POU2F1: variants seen among roughly 807,000 people sequenced by gnomAD.
POU2F1 encodes POU domain, class 2, transcription factor 1.
A neutral mutation model predicts 84.9 loss-of-function variants in POU2F1; 16 were observed. The observed-to-expected ratio is 0.19, with a 90% CI of 0.13 to 0.29. The LOEUF is 0.29. POU2F1 is among the 10% of genes least tolerant of loss of function. The pLI is 1.00. For synonymous variants in POU2F1, 368 were observed against 368.3 expected (o/e 1.00, Z 0.01); for missense variants, 738 against 942.6 (o/e 0.78, Z 2.84).
At chr1:167,305,967 A>G (rs772823185) in intron 1 of POU2F1, among the ~76,000 whole-genome samples, 1 of 152,234 alleles carries the variant, frequency 6.6e-6, no homozygotes, top group Non-Finnish European at 1.5e-5. Flanking sequence ...TTTAGTATAC[A>G]TAGAAATGTA....
intron 2 of POU2F1, among the ~76,000 whole-genome samples, chr1:167,334,050 A>G (rs1259999487): frequency 1.3e-5 from 2 of 152,084 alleles, no homozygotes; most frequent in Admixed American, 1.3e-4. Flanking sequence ...AACACTGAAA[A>G]TAGCCATTAC....
At chr1:167,225,401 C>T (rs1402439791) in intron 1 of POU2F1, among the ~76,000 whole-genome samples, 2 of 152,130 alleles carry the variant, frequency 1.3e-5, no homozygotes, top group African/African-American at 4.8e-5. Context: ...AGTGTTCTGC[C>T]ATATTTTAAA....
Position 167,418,545 on chromosome 1 carries a change from G to C in POU2F1, c.*2735G>C, listed in dbSNP as rs942888307. On this transcript the variant is annotated 3_prime_UTR_variant, in exon 16 of 16. Coordinates refer to ENST00000367866, the MANE Select transcript of POU2F1 (RefSeq NM_002697.4). ...GGAAATGCTGGTACCCAGTATACTGGATTAGAAGTTATAGCATTAATTTCT... is the reference window on the plus strand; with the variant it reads ...GGAAATGCTGGTACCCAGTATACTGCATTAGAAGTTATAGCATTAATTTCT... 1 of 152,192 alleles carries C rather than the reference G, an allele frequency of 6.6e-6. No individual in the cohort carries two copies. The highest frequency in any genetic ancestry group is 1.5e-5 in the Non-Finnish European group (1 of 68,030). 9.4% of individuals were successfully genotyped at this position (152,192 alleles called of 1,614,324 possible).
At chr1:167,379,516 T>C (rs776470175) in intron 7 of POU2F1, 1 of 152,166 alleles carries the variant, frequency 6.6e-6, no homozygotes, top group African/African-American at 2.4e-5. Flanking sequence ...AAAATATATA[T>C]GTAGTGTTAG....
At chr1:167,320,839 T>G (rs1176005624) in intron 1 of POU2F1, among the ~76,000 whole-genome samples, 4 of 152,236 alleles carry the variant, frequency 2.6e-5, no homozygotes, top group African/African-American at 9.6e-5. Context: ...TGTTAATTGC[T>G]GAGGGTTAGT....
chr1:167,293,808 T>C (rs1654092991), intron 1 of POU2F1, among the ~76,000 whole-genome samples: 1 of 152,012 alleles, frequency 6.6e-6, no homozygotes, highest in Non-Finnish European at 1.5e-5. Context: ...AAGCCAAATA[T>C]GTATAACCAA....
intron 4 of POU2F1, among the ~76,000 whole-genome samples, chr1:167,371,657 G>A (rs1023989845): frequency 6.6e-5 from 10 of 151,934 alleles, no homozygotes; most frequent in Admixed American, 3.3e-4. Context: ...GGAATTGGGG[G>A]CTATGAAAAA....
rs1227541613 is a variant in POU2F1 at position 167,421,107 on chromosome 1, G to A, written c.*5297G>A. On this transcript the variant is annotated 3_prime_UTR_variant, in exon 16 of 16. Transcript: ENST00000367866. ...CTGTTCATAGTCCTGGCTATTTGAT[G>A]TCATTTTCAGTTTTACAACATTTTG... The A allele has an allele frequency of 6.6e-6, 1 of 152,166 alleles. No homozygotes were observed. The highest frequency in any genetic ancestry group is 1.5e-5 in the Non-Finnish European group (1 of 68,028). 9.4% of individuals were successfully genotyped at this position (152,166 alleles called of 1,614,324 possible). A position where few individuals can be genotyped will look rare whatever the true frequency, so the allele number is the denominator to read the frequency against.
At chr1:167,266,006 G>C (rs1651923883) in intron 1 of POU2F1, among the ~76,000 whole-genome samples, 1 of 152,238 alleles carries the variant, frequency 6.6e-6, no homozygotes, top group Admixed American at 6.5e-5. Context: ...GGTGTGATTA[G>C]AATGGTTGCA....
At chr1:167,339,899 G>A (rs781565680) in intron 2 of POU2F1, among the ~76,000 whole-genome samples, 1 of 152,140 alleles carries the variant, frequency 6.6e-6, no homozygotes, top group African/African-American at 2.4e-5. Flanking sequence ...CATTGATTAA[G>A]TATTTACTGG....
intron 1 of POU2F1, among the ~76,000 whole-genome samples, chr1:167,270,557 GAGAC>G (rs1652300308): frequency 6.6e-6 from 1 of 152,204 alleles, no homozygotes; most frequent in Non-Finnish European, 1.5e-5. Flanking sequence ...CAGAGAGAGA[GAGAC>G]AGACAGAGAG....
intron 1 of POU2F1, among the ~76,000 whole-genome samples, chr1:167,285,274 C>T (rs899656657): frequency 3.9e-5 from 6 of 152,122 alleles, no homozygotes; most frequent in African/African-American, 7.2e-5. Flanking sequence ...AATGTTTACC[C>T]GGTAAAAAAT....
chr1:167,343,505 A>G (rs1657990786), intron 2 of POU2F1, among the ~76,000 whole-genome samples: 1 of 152,124 alleles, frequency 6.6e-6, no homozygotes, highest in African/African-American at 2.4e-5. Context: ...TTGGTATAAA[A>G]GAATTTTCCA....
intron 1 of POU2F1, among the ~76,000 whole-genome samples, chr1:167,260,666 T>A (rs774020434): frequency 8.5e-5 from 13 of 152,218 alleles, no homozygotes; most frequent in Non-Finnish European, 1.9e-4. Flanking sequence ...TTTCCACATA[T>A]ACACATGTTC....
chr1:167,395,592 A>AT (rs1412684256), intron 9 of POU2F1, among the ~76,000 whole-genome samples: 3 of 151,856 alleles, frequency 2.0e-5, no homozygotes, highest in Non-Finnish European at 2.9e-5. Flanking sequence ...ATTTATTTTT[A>AT]TTTTTCTTTT....
intron 1 of POU2F1, among the ~76,000 whole-genome samples, chr1:167,239,381 A>C (rs1178154772): frequency 2.0e-5 from 3 of 152,364 alleles, no homozygotes; most frequent in African/African-American, 7.2e-5. Flanking sequence ...TAATAAATAC[A>C]GTGCTTATCT....
At chr1:167,412,936 A>G in intron 14 of POU2F1, 90 bp from the exon 15 acceptor site, 1 of 1,006,328 alleles carries the variant, frequency 9.9e-7, no homozygotes, top group Non-Finnish European at 1.5e-6. Context: ...CCCCAGCTGG[A>G]TTTTCGTTTT....
chr1:167,321,610 A>C (rs1323745906), intron 1 of POU2F1, among the ~76,000 whole-genome samples: 1 of 152,180 alleles, frequency 6.6e-6, no homozygotes, highest in Non-Finnish European at 1.5e-5. Context: ...AAGTCCTCTA[A>C]AGCCTCCAGT....
At position 167,374,323 on chromosome 1, in the gene POU2F1, G is replaced by A. The variant is rs533971635; in HGVS notation, c.591+27G>A. The A allele has an allele frequency of 5.2e-6, 8 of 1,538,568 alleles. No individual in the cohort carries two copies. The South Asian group carries it at 9.8e-5, about 19-fold the overall frequency. ...TGAGTGAGGAACTCCAATAGCTGGGGCAGCAAGTGAGGAATAAAGTGGCAG... is the reference window on the plus strand; with the variant it reads ...TGAGTGAGGAACTCCAATAGCTGGGACAGCAAGTGAGGAATAAAGTGGCAG... On this transcript the variant is annotated intron_variant, in intron 6 of 15. Coordinates refer to ENST00000367866, the MANE Select transcript of POU2F1 (RefSeq NM_002697.4).
Sources: gnomAD v4.1 joint callset for allele counts (sites outside exome capture counted in the v4.1 genomes callset) on GRCh38, gnomAD v4.1.1 for gene constraint, MANE v1.5 for transcripts, NCBI Gene and HGNC (gene_info 2026-07-23, HGNC 2026-07-21) for gene names.